Variants in NRXN3 observed in about 807,000 individuals in gnomAD.
The protein encoded by NRXN3 is neurexin 3.
NRXN3 carries 32 observed loss-of-function variants against 137.6 expected under a neutral mutation model. The observed-to-expected ratio is 0.23, with a 90% CI of 0.18 to 0.31. The LOEUF is 0.31. Among genes scored for constraint, NRXN3 ranks in the 10% least tolerant of loss-of-function variants. The pLI, the probability that NRXN3 is intolerant of heterozygous loss-of-function variation, is 1.00. For synonymous variants in NRXN3, 798 were observed against 784.5 expected (o/e 1.02, Z -0.29); for missense variants, 1,574 against 2,062.5 (o/e 0.76, Z 4.59).
intron 15 of NRXN3, among the ~76,000 whole-genome samples, chr14:79,069,055 G>A (rs1303843151): frequency 6.6e-6 from 1 of 152,038 alleles, no homozygotes; most frequent in East Asian, 1.9e-4. Context: ...ACTGATAAGG[G>A]GAGGATGAAT....
rs1183753183 is a variant in NRXN3 at position 78,635,447 on chromosome 14, T to A, written c.758-9673T>A. Among the ~76,000 whole-genome samples, 3 of 152,234 alleles carry A rather than the reference T, an allele frequency of 2.0e-5. No individual in the cohort carries two copies. In the South Asian group the frequency reaches 6.2e-4, roughly 32 times the overall value. ...ATTTTGGTAGCAATTAGTGTTGATATGTGTGCTACTGTATATAAAAAACAT... is the reference window on the plus strand; with the variant it reads ...ATTTTGGTAGCAATTAGTGTTGATAAGTGTGCTACTGTATATAAAAAACAT... On this transcript the variant is annotated intron_variant, in intron 4 of 20. Transcript: ENST00000335750.
At chr14:78,730,092 T>C (rs61507816) in intron 8 of NRXN3, among the ~76,000 whole-genome samples, 124 of 152,318 alleles carry the variant, frequency 8.1e-4, no homozygotes, top group African/African-American at 2.8e-3. Context: ...GCCTAGCCTC[T>C]TGGGCCTGTA....
In NRXN3 at chr14:79,864,901, G is replaced by A. The variant is rs181822524; in HGVS notation, c.*2937G>A. 6.2e-3 allele frequency: 951 copies of A among 152,176 alleles called. 2 individuals carry two copies. The highest frequency in any genetic ancestry group is 0.011 in the Non-Finnish European group (762 of 68,088). 9.4% of individuals were successfully genotyped at this position (152,176 alleles called of 1,614,324 possible). A position where few individuals can be genotyped will look rare whatever the true frequency, so the allele number is the denominator to read the frequency against. Reference sequence around the variant, plus strand: ...CGAGTAGGTGGGACTACAGGTGCCCGCCACCACGCCCGGCTAATTTTTTGT... The same window carrying A: ...CGAGTAGGTGGGACTACAGGTGCCCACCACCACGCCCGGCTAATTTTTTGT... On this transcript the variant is annotated 3_prime_UTR_variant, in exon 21 of 21. Coordinates refer to ENST00000335750, the MANE Select transcript of NRXN3 (RefSeq NM_001330195.2).
At chr14:78,361,875 G>A (rs533908285) in intron 4 of NRXN3, among the ~76,000 whole-genome samples, 32 of 151,980 alleles carry the variant, frequency 2.1e-4, no homozygotes, top group Admixed American at 1.0e-3. Flanking sequence ...CTTTTCAAAG[G>A]CTAAGTAAAA....
At chr14:78,514,263 C>T (rs1485665728) in intron 4 of NRXN3, among the ~76,000 whole-genome samples, 1 of 151,970 alleles carries the variant, frequency 6.6e-6, no homozygotes, top group African/African-American at 2.4e-5. Context: ...AAATTATTGC[C>T]ATAGGAAACT....
intron 4 of NRXN3, among the ~76,000 whole-genome samples, chr14:78,448,665 C>G (rs2094480194): frequency 6.6e-6 from 1 of 152,132 alleles, no homozygotes; most frequent in Non-Finnish European, 1.5e-5. Context: ...GAAGGTGGCG[C>G]ATTATCACTA....
Position 79,682,216 on chromosome 14 carries a change from A to G in NRXN3, c.3617-9957A>G, listed in dbSNP as rs190109109. Among the ~76,000 whole-genome samples the G allele has an allele frequency of 8.7e-3, 1,325 of 152,184 alleles. 19 individuals are homozygous for G. Among genetic ancestry groups the G allele is most frequent in the Middle Eastern group, 0.027 (8 of 294 alleles). ...TAAACTAAGATAGATGTGTTATAAA[A>G]CAGCCCCCATGCTGATCCATACTTT... On this transcript the variant is annotated intron_variant, in intron 17 of 20. Transcript: ENST00000335750.
At chr14:78,371,383 C>A (rs1482600253) in intron 4 of NRXN3, among the ~76,000 whole-genome samples, 2 of 152,214 alleles carry the variant, frequency 1.3e-5, no homozygotes, top group East Asian at 3.9e-4. Context: ...CATCCCCCTT[C>A]CACCTCCCCT....
At position 79,517,099 on chromosome 14, in the gene NRXN3, C is replaced by CCT. The variant is rs1555499636; in HGVS notation, c.3444+49698_3444+49699insTC. On this transcript the variant is annotated intron_variant, in intron 16 of 20. Coordinates refer to ENST00000335750, the MANE Select transcript of NRXN3 (RefSeq NM_001330195.2). ...GTATTACACAAATGTACAGCCCCCC[C>CCT]CCCCTCAACGAATGGGAGCGCTTCC... is the stretch of plus-strand genomic sequence containing the variant. Among the ~76,000 whole-genome samples the CCT allele has an allele frequency of 2.6e-4, 25 of 96,984 alleles. 1 individual carries two copies. Among genetic ancestry groups the CCT allele is most frequent in the Non-Finnish European group, 4.5e-4 (22 of 48,734 alleles). 63.6% of individuals were successfully genotyped at this position (96,984 alleles called of 152,430 possible). A position where few individuals can be genotyped will look rare whatever the true frequency, so the allele number is the denominator to read the frequency against.
intron 17 of NRXN3, among the ~76,000 whole-genome samples, chr14:79,691,564 T>C (rs2098716744): frequency 6.6e-6 from 1 of 152,084 alleles, no homozygotes. Context: ...TCTGTACTGA[T>C]CTACCTCTTT....
chr14:79,035,032 C>A (rs368830306), intron 15 of NRXN3, among the ~76,000 whole-genome samples: 1 of 152,094 alleles, frequency 6.6e-6, no homozygotes, highest in East Asian at 1.9e-4. Context: ...ACTTAAATAG[C>A]ACGTTAAATA....
chr14:78,286,053 A>G (rs573789293), intron 3 of NRXN3, among the ~76,000 whole-genome samples: 2 of 152,244 alleles, frequency 1.3e-5, no homozygotes, highest in East Asian at 1.9e-4. Context: ...GCTTTTTTCT[A>G]GAGCCGTTAG....
intron 19 of NRXN3, among the ~76,000 whole-genome samples, chr14:79,756,212 G>C (rs1044561241): frequency 1.4e-4 from 21 of 152,088 alleles, no homozygotes; most frequent in African/African-American, 5.1e-4. Flanking sequence ...AGTAAACCAT[G>C]ATTTCCTCAC....
chr14:79,388,176 T>A (rs186437509), intron 15 of NRXN3, among the ~76,000 whole-genome samples: 4 of 152,154 alleles, frequency 2.6e-5, no homozygotes, highest in Admixed American at 2.6e-4. Flanking sequence ...CCTCCTCTTG[T>A]CATGAAATGC....
intron 1 of NRXN3, among the ~76,000 whole-genome samples, chr14:78,208,339 C>T (rs1377904121): frequency 6.6e-6 from 1 of 152,162 alleles, no homozygotes; most frequent in African/African-American, 2.4e-5. Context: ...TCCTCCTGCC[C>T]TTGACACTGT....
chr14:78,535,818 G>A (rs1384574973), intron 4 of NRXN3, among the ~76,000 whole-genome samples: 1 of 152,108 alleles, frequency 6.6e-6, no homozygotes, highest in Non-Finnish European at 1.5e-5. Flanking sequence ...CTGAGAATTA[G>A]GTAAGAAAAT....
chr14:79,793,533 T>C (rs2099151938), intron 19 of NRXN3, among the ~76,000 whole-genome samples: 1 of 152,216 alleles, frequency 6.6e-6, no homozygotes, highest in Non-Finnish European at 1.5e-5. Context: ...TCTGAAACCA[T>C]GTCACACTCC....
At chr14:79,518,135 C>T (rs908490712) in intron 16 of NRXN3, among the ~76,000 whole-genome samples, 7 of 151,898 alleles carry the variant, frequency 4.6e-5, no homozygotes, top group Non-Finnish European at 1.0e-4. Flanking sequence ...AAACTCCTGA[C>T]CTCATGTGAT....
chr14:78,300,743 TA>T, intron 4 of NRXN3: 1 of 1,233,498 alleles, frequency 8.1e-7, no homozygotes, highest in Non-Finnish European at 1.1e-6. Context: ...CCTTTTGAAA[TA>T]TTCATGCATC....
Sources: gnomAD v4.1 joint callset for allele counts (sites outside exome capture counted in the v4.1 genomes callset) on GRCh38, gnomAD v4.1.1 for gene constraint, MANE v1.5 for transcripts, NCBI Gene and HGNC (gene_info 2026-07-23, HGNC 2026-07-21) for gene names.